The following CRPPA variants were observed in gnomAD, a reference collection of about 807,000 sequenced individuals.
CRPPA encodes CDP-L-ribitol pyrophosphorylase A.
A neutral mutation model predicts 52.0 loss-of-function variants in CRPPA; 43 were observed. The observed-to-expected ratio is 0.83, with a 90% CI of 0.65 to 1.07. CRPPA has a LOEUF of 1.07. Among genes scored for constraint, CRPPA ranks in the 50% least tolerant of loss-of-function variants. The pLI, the probability that CRPPA is intolerant of heterozygous loss-of-function variation, is 0.00. For missense variants in CRPPA, 629 were observed against 551.7 expected, an observed-to-expected ratio of 1.14 and a Z score of -1.40; for synonymous variants, 250 against 203.5, an observed-to-expected ratio of 1.23 and a Z score of -1.94.
rs562375335 is a variant in CRPPA at position 16,198,649 on chromosome 7, G to C, written c.1251+17417C>G. 8.1e-5 allele frequency among the ~76,000 whole-genome samples: 12 copies of C among 147,742 alleles called. No homozygotes were observed. In the South Asian group the frequency reaches 2.7e-3, roughly 33 times the overall value. On this transcript the variant is annotated intron_variant, in intron 9 of 9. Coordinates refer to ENST00000407010, the MANE Select transcript of CRPPA (RefSeq NM_001101426.4). ...TTCCAAATCTCTCGTCCCACCTTACGAGAAACACCCACAGGTGTGTAGGGG... is the reference window on the plus strand; with the variant it reads ...TTCCAAATCTCTCGTCCCACCTTACCAGAAACACCCACAGGTGTGTAGGGG...
intron 5 of CRPPA, among the ~76,000 whole-genome samples, chr7:16,293,163 G>A (rs1784595343): frequency 6.6e-6 from 1 of 151,770 alleles, no homozygotes; most frequent in Non-Finnish European, 1.5e-5. Flanking sequence ...TCCTCAAGCA[G>A]GTGGGCAAAA....
At chr7:16,390,876 G>A (rs1387592605) in intron 2 of CRPPA, among the ~76,000 whole-genome samples, 2 of 152,150 alleles carry the variant, frequency 1.3e-5, no homozygotes, top group Non-Finnish European at 2.9e-5. Context: ...CTAATGCTCA[G>A]CTCCTGAAGT....
intron 8 of CRPPA, among the ~76,000 whole-genome samples, chr7:16,254,846 AGAAAG>A (rs755239557): frequency 8.7e-5 from 12 of 138,610 alleles, no homozygotes; most frequent in African/African-American, 2.7e-4. Flanking sequence ...AGAAAGAAAG[AGAAAG>A]AAGAAAGAAA....
chr7:16,124,172 T>G (rs73056326), intron 9 of CRPPA, among the ~76,000 whole-genome samples: 1,555 of 151,382 alleles, frequency 0.01, 20 homozygotes, highest in Non-Finnish European at 0.012. Context: ...CAATTTACAT[T>G]CCCACCAATG....
rs1225713570 is a variant in CRPPA, at chr7:16,090,815, G to A, written c.*880C>T. On this transcript the variant is annotated 3_prime_UTR_variant, in exon 10 of 10. Transcript: ENST00000407010. ...GACACCCATAATTATAACATGCAAG[G>A]GAAAATATTAATATTTCAGATGTAT... 1 of 151,986 alleles carries A rather than the reference G, an allele frequency of 6.6e-6. No homozygotes were observed. Among genetic ancestry groups the A allele is most frequent in the Non-Finnish European group, 1.5e-5 (1 of 67,986 alleles). 9.4% of individuals were successfully genotyped at this position (151,986 alleles called of 1,614,324 possible).
At chr7:16,177,421 C>T (rs1407969390) in intron 9 of CRPPA, among the ~76,000 whole-genome samples, 3 of 152,118 alleles carry the variant, frequency 2.0e-5, no homozygotes, top group Middle Eastern at 3.4e-3. Flanking sequence ...CATACAGAAT[C>T]GTAATTTTGT....
intron 5 of CRPPA, among the ~76,000 whole-genome samples, chr7:16,297,343 A>G (rs577409292): frequency 6.6e-6 from 1 of 152,186 alleles, no homozygotes; most frequent in South Asian, 2.1e-4. Flanking sequence ...CTCAAATACT[A>G]TACCATTTCT....
At chr7:16,188,931 C>T (rs774279709) in intron 9 of CRPPA, among the ~76,000 whole-genome samples, 14 of 152,006 alleles carry the variant, frequency 9.2e-5, no homozygotes, top group Non-Finnish European at 1.9e-4. Context: ...TATAAAACAG[C>T]CATGTTTTCA....
At chr7:16,414,401 A>C (rs183603001) in intron 1 of CRPPA, among the ~76,000 whole-genome samples, 1,393 of 134,696 alleles carry the variant, frequency 0.01, 10 homozygotes, top group Middle Eastern at 0.031. Flanking sequence ...ACACACACAC[A>C]CCCCATGACA....
At chr7:16,132,815 T>C (rs1782703951) in intron 9 of CRPPA, among the ~76,000 whole-genome samples, 1 of 124,504 alleles carries the variant, frequency 8.0e-6, no homozygotes, top group South Asian at 3.9e-4. Flanking sequence ...TAGATGCTAG[T>C]CTCTTTCATC....
intron 8 of CRPPA, among the ~76,000 whole-genome samples, chr7:16,226,360 T>C: frequency 6.6e-6 from 1 of 151,876 alleles, no homozygotes; most frequent in East Asian, 1.9e-4. Flanking sequence ...AATGAAAAAC[T>C]GGAAGGTCAC....
intron 9 of CRPPA, among the ~76,000 whole-genome samples, chr7:16,115,037 A>G (rs908257240): frequency 7.2e-5 from 11 of 152,192 alleles, no homozygotes; most frequent in African/African-American, 2.6e-4. Flanking sequence ...AAACTATGTT[A>G]ATGTTTCACG....
At chr7:16,221,396 A>T (rs1157329502) in intron 8 of CRPPA, among the ~76,000 whole-genome samples, 4 of 152,228 alleles carry the variant, frequency 2.6e-5, no homozygotes, top group Non-Finnish European at 4.4e-5. Context: ...CAAGGACTTC[A>T]TGTCCAAAAC....
chr7:16,340,786 T>C (rs1785804006), intron 3 of CRPPA, among the ~76,000 whole-genome samples: 1 of 152,126 alleles, frequency 6.6e-6, no homozygotes, highest in South Asian at 2.1e-4. Flanking sequence ...AAATTTATAC[T>C]CACTCAACAA....
At chr7:16,224,400 T>A (rs1273197179) in intron 8 of CRPPA, among the ~76,000 whole-genome samples, 2 of 152,134 alleles carry the variant, frequency 1.3e-5, no homozygotes, top group Non-Finnish European at 2.9e-5. Context: ...AGAGTCTATG[T>A]TCACAATAAA....
At chr7:16,113,650 G>C (rs1782311225) in intron 9 of CRPPA, among the ~76,000 whole-genome samples, 1 of 151,878 alleles carries the variant, frequency 6.6e-6, no homozygotes, top group African/African-American at 2.4e-5. Context: ...TATTTTTAAA[G>C]TGCTAAAATC....
intron 9 of CRPPA, among the ~76,000 whole-genome samples, chr7:16,159,785 C>T (rs1407583361): frequency 6.6e-6 from 1 of 152,170 alleles, no homozygotes; most frequent in Admixed American, 6.5e-5. Flanking sequence ...AATCGCCACA[C>T]TGTTTTCCAC....
intron 2 of CRPPA, among the ~76,000 whole-genome samples, chr7:16,397,925 G>C (rs989842735): frequency 7.9e-5 from 12 of 152,080 alleles, no homozygotes; most frequent in African/African-American, 2.4e-4. Flanking sequence ...AACACAACTG[G>C]CAGGTGATTG....
At chr7:16,114,447 G>C (rs946285462) in intron 9 of CRPPA, among the ~76,000 whole-genome samples, 4 of 151,972 alleles carry the variant, frequency 2.6e-5, no homozygotes, top group Non-Finnish European at 5.9e-5. Context: ...AAATGTTTGT[G>C]TGGCAACTAA....
Sources: gnomAD v4.1 joint callset for allele counts (sites outside exome capture counted in the v4.1 genomes callset) on GRCh38, gnomAD v4.1.1 for gene constraint, MANE v1.5 for transcripts, NCBI Gene and HGNC (gene_info 2026-07-23, HGNC 2026-07-21) for gene names.